Variants in GLDC observed in about 807,000 individuals in gnomAD.
The protein encoded by GLDC is glycine decarboxylase, also known as glycine dehydrogenase (decarboxylating), mitochondrial.
A neutral mutation model predicts 121.3 loss-of-function variants in GLDC; 104 were observed. That is an observed-to-expected ratio of 0.86 (90% confidence interval 0.73 to 1.01). GLDC has a LOEUF of 1.01. Ranked by LOEUF, GLDC falls within the 50% of genes least tolerant of loss-of-function variation. GLDC has a pLI of 0.00. For synonymous variants in GLDC, 546 were observed against 480.6 expected, an observed-to-expected ratio of 1.14 and a Z score of -1.78; for missense variants, 1,429 against 1,306.6, an observed-to-expected ratio of 1.09 and a Z score of -1.44.
chr9:6,587,200 C>A lies in GLDC; in HGVS notation c.1791G>T (p.Glu597Asp), dbSNP rs141875337. Residue 597 changes from glutamate to aspartate, a missense_variant, in exon 15 of 25, where the codon GAG becomes GAT. Transcript: ENST00000321612. ...QAQGYQQLFRELEKDLCELTG... is the reference protein window; with the variant it reads ...QAQGYQQLFRDLEKDLCELTG... ...TGAGTTCACACAAATCCTTCTCAAG[C>A]TCTCGGAAAAGCTGCTGATATCCTT... The A allele has an allele frequency of 6.2e-7, 1 of 1,613,904 alleles. No homozygotes were observed. Among genetic ancestry groups the A allele is most frequent in the Admixed American group, 1.7e-5 (1 of 60,004 alleles).
rs192415896 is a variant in GLDC at position 6,580,496 on chromosome 9, A to G, written c.1850+6645T>C. 1.2e-4 allele frequency among the ~76,000 whole-genome samples: 19 copies of G among 152,308 alleles called. No individual in the cohort carries two copies. The East Asian group carries it at 3.3e-3, about 26-fold the overall frequency. On this transcript the variant is annotated intron_variant, in intron 15 of 24. Transcript: ENST00000321612. ...TACTGATCCGGAAGATGTAGGGCTC[A>G]GCATACCTTACCGTAAGCTGTCAAA...
intron 2 of GLDC, chr9:6,639,665 A>ATATATATATATATATAT: frequency 3.0e-6 from 1 of 338,594 alleles, no homozygotes; most frequent in East Asian, 7.7e-5. Flanking sequence ...ACCATAAAAA[A>ATATATATATATATATAT]AAAGTATATA....
At chr9:6,621,422 C>A (rs1052700544) in intron 2 of GLDC, among the ~76,000 whole-genome samples, 2 of 152,196 alleles carry the variant, frequency 1.3e-5, no homozygotes, top group Non-Finnish European at 2.9e-5. Context: ...GCTGAGGTCA[C>A]ACGACTTTAA....
intron 17 of GLDC, among the ~76,000 whole-genome samples, chr9:6,557,005 C>T (rs1817647452): frequency 6.6e-6 from 1 of 152,054 alleles, no homozygotes; most frequent in South Asian, 2.1e-4. Flanking sequence ...TCTCTCTGCT[C>T]ATCTTCTCAT....
At chr9:6,569,041 A>G (rs989015591) in intron 15 of GLDC, 5 of 152,238 alleles carry the variant, frequency 3.3e-5, no homozygotes, top group African/African-American at 1.2e-4. Flanking sequence ...AATAACAGGT[A>G]TAAGAGCCCA....
intron 13 of GLDC, 35 bp from the exon 14 acceptor site, chr9:6,588,477 T>C (rs1181424454): frequency 6.4e-7 from 1 of 1,565,810 alleles, no homozygotes; most frequent in East Asian, 2.2e-5. Flanking sequence ...ATCACATTAG[T>C]GATTTTCTAT....
chr9:6,622,268 GTCTCCC>G (rs1426992480), intron 2 of GLDC, among the ~76,000 whole-genome samples: 3 of 150,234 alleles, frequency 2.0e-5, no homozygotes, highest in East Asian at 2.0e-4. Context: ...TCTCCCCACG[GTCTCCC>G]TCTCCCTCTT....
intron 3 of GLDC, among the ~76,000 whole-genome samples, chr9:6,612,253 T>TCTCTCACA (rs1554648951): frequency 3.7e-4 from 55 of 150,116 alleles, no homozygotes; most frequent in Middle Eastern, 3.4e-3. Flanking sequence ...TCTCTCTCTC[T>TCTCTCACA]CACACACACT....
At chr9:6,585,074 T>C (rs770971944) in intron 15 of GLDC, 2 of 152,200 alleles carry the variant, frequency 1.3e-5, no homozygotes, top group African/African-American at 2.4e-5. Flanking sequence ...TCATTCTCCA[T>C]TGAGATTATG....
chr9:6,556,471 A>G (rs538930785), intron 17 of GLDC, among the ~76,000 whole-genome samples, 169 bp from the exon 18 acceptor site: 1 of 152,098 alleles, frequency 6.6e-6, no homozygotes, highest in African/African-American at 2.4e-5. Flanking sequence ...CACAGCCATT[A>G]CTCCCTTCAC....
chr9:6,599,626 C>A (rs573898374), intron 8 of GLDC, among the ~76,000 whole-genome samples: 1 of 149,348 alleles, frequency 6.7e-6, no homozygotes, highest in Non-Finnish European at 1.5e-5. Context: ...GAGGCTGAGG[C>A]AAGAGAATCG....
At chr9:6,585,466 C>T (rs1485174670) in intron 15 of GLDC, among the ~76,000 whole-genome samples, 2 of 152,108 alleles carry the variant, frequency 1.3e-5, no homozygotes, top group East Asian at 1.9e-4. Context: ...GACTTTCATG[C>T]TATCAGCTCC....
chr9:6,566,701 T>A (rs1455882290), intron 15 of GLDC, among the ~76,000 whole-genome samples: 1 of 152,186 alleles, frequency 6.6e-6, no homozygotes, highest in Admixed American at 6.5e-5. Flanking sequence ...GAGTAATAGA[T>A]GTATCAGTCC....
At chr9:6,596,315 C>G (rs1818493446) in intron 8 of GLDC, among the ~76,000 whole-genome samples, 1 of 152,026 alleles carries the variant, frequency 6.6e-6, no homozygotes, top group African/African-American at 2.4e-5. Flanking sequence ...CACGGCTGAA[C>G]AACAAATTGA....
intron 2 of GLDC, among the ~76,000 whole-genome samples, chr9:6,630,133 C>G (rs1738445308): frequency 2.0e-5 from 3 of 150,732 alleles, no homozygotes; most frequent in Admixed American, 2.0e-4. Flanking sequence ...AACAATGTGC[C>G]TATATTGTGT....
At chr9:6,538,079 G>T (rs1817174327) in intron 22 of GLDC, among the ~76,000 whole-genome samples, 1 of 151,700 alleles carries the variant, frequency 6.6e-6, no homozygotes, top group Non-Finnish European at 1.5e-5. Context: ...TTTGGTAAAT[G>T]CATACACCTT....
chr9:6,637,202 C>T (rs148870359), intron 2 of GLDC, among the ~76,000 whole-genome samples: 1,833 of 151,944 alleles, frequency 0.012, 24 homozygotes, highest in African/African-American at 0.042. Context: ...GTCAGGAGTT[C>T]GAAACCAGCC....
chr9:6,617,932 G>C (rs1255376823), intron 3 of GLDC, among the ~76,000 whole-genome samples: 1 of 152,122 alleles, frequency 6.6e-6, no homozygotes, highest in Non-Finnish European at 1.5e-5. Context: ...AAGTAAAGTT[G>C]GTTTTTACAT....
intron 15 of GLDC, among the ~76,000 whole-genome samples, chr9:6,569,624 C>T (rs570418478): frequency 1.3e-5 from 2 of 152,128 alleles, no homozygotes; most frequent in South Asian, 4.1e-4. Flanking sequence ...TGCACTCTAG[C>T]CTGGGCAACA....
Sources: allele counts gnomAD v4.1 joint callset (sites outside exome capture counted in the v4.1 genomes callset), GRCh38; gene constraint gnomAD v4.1.1; transcripts MANE v1.5; gene names NCBI Gene and HGNC (gene_info 2026-07-23, HGNC 2026-07-21).